The following MAP3K11 variants were observed in gnomAD, a reference collection of about 807,000 sequenced individuals.
MAP3K11 encodes the protein SH3 domain-containing proline-rich kinase.
MAP3K11 carries 46 observed loss-of-function variants against 84.9 expected under a neutral mutation model. That is an observed-to-expected ratio of 0.54 (90% CI 0.43 to 0.69). The LOEUF is 0.69. Among genes scored for constraint, MAP3K11 ranks in the 30% least tolerant of loss-of-function variants. MAP3K11 has a pLI of 0.00. For missense variants in MAP3K11, 1,053 were observed against 1,198.3 expected, an observed-to-expected ratio of 0.88 and a Z score of 1.79; for synonymous variants, 527 against 514.7, an observed-to-expected ratio of 1.02 and a Z score of -0.32.
intron 1 of MAP3K11, 183 bp from the exon 2 acceptor site, chr11:65,608,631 T>C (rs77894452): frequency 3.1e-5 from 18 of 585,498 alleles, no homozygotes; most frequent in East Asian, 5.8e-5. Context: ...TTTTTTTTTT[T>C]CTTAAGATAG....
At chr11:65,612,306 T>G (rs1854578577) in intron 1 of MAP3K11, 1 of 151,832 alleles carries the variant, frequency 6.6e-6, no homozygotes, top group Non-Finnish European at 1.5e-5. Context: ...GGAGATGGAG[T>G]CTCCCTTAGC....
chr11:65,607,298 G>T lies in MAP3K11; in HGVS notation c.1461C>A (p.Asp487Glu), dbSNP rs1033228794. 1 of 1,521,788 alleles carries T rather than the reference G, an allele frequency of 6.6e-7. No individual in the cohort carries two copies. The allele number at this position is 1,521,788 out of a possible 1,614,324, so 94.3% of individuals were successfully genotyped here. The change falls in exon 5 of 10, where the codon GAC (aspartate) becomes GAA (glutamate). Residue 487 changes from aspartate (D) to glutamate (E), a missense_variant. By Grantham distance (45) the Asp-to-Glu change is conservative (BLOSUM62 2). Coordinates refer to ENST00000309100, the MANE Select transcript of MAP3K11 (RefSeq NM_002419.4). ...TFKRSKLRAR[D>E]GGERISMPLD... ...GTGGCATGCTGATACGCTCGCCGCC[G>T]TCGCGCGCCCGGAGCTTGCTGCGCT...
At chr11:65,605,385 C>T (rs1190591729) in intron 8 of MAP3K11, among the ~76,000 whole-genome samples, 1 of 152,230 alleles carries the variant, frequency 6.6e-6, no homozygotes, top group Admixed American at 6.5e-5. Context: ...TTCCTTCCCC[C>T]ATCTGGGTCC....
chr11:65,606,556 G>A, intron 6 of MAP3K11, 135 bp downstream of exon 6: 2 of 631,600 alleles, frequency 3.2e-6, no homozygotes, highest in South Asian at 4.5e-5. Flanking sequence ...GAGGTAACAG[G>A]CTAGACCTAA....
intron 1 of MAP3K11, chr11:65,609,045 TTACAACCTG>T (rs1854544248): frequency 6.5e-6 from 1 of 153,094 alleles, no homozygotes; most frequent in African/African-American, 2.4e-5. Context: ...ACAGCAGAGA[TTACAACCTG>T]GTCTGTGTGG....
chr11:65,608,470 G>A (rs1340064511), intron 1 of MAP3K11, 22 bp from the exon 2 acceptor site: 1 of 1,612,620 alleles, frequency 6.2e-7, no homozygotes. Flanking sequence ...GGGCCAGATT[G>A]TGGATGCTCC....
In MAP3K11 at chr11:65,606,074, A is replaced by G. The variant is rs368245376; in HGVS notation, c.1611T>C (p.Pro537=). 5 of 1,575,426 alleles carry G rather than the reference A, an allele frequency of 3.2e-6. No individual in the cohort carries two copies. In the African/African-American group the frequency reaches 5.5e-5, roughly 17 times the overall value. Residue 537 remains proline, a synonymous_variant, in exon 7 of 10, where the codon CCT becomes CCC. Coordinates refer to ENST00000309100, the MANE Select transcript of MAP3K11 (RefSeq NM_002419.4). ...FPRFRAIQLE[P]AEPGQAWGRQ... The stretch of plus-strand genomic sequence containing the variant: ...GGCCCCATGCCTGGCCTGGCTCTGC[A>G]GGCTCCACTGCAGGGGAAACCGATG...
Position 65,613,746 on chromosome 11 carries a change from A to C in MAP3K11, c.11T>G (p.Leu4Trp). 1 of 1,558,972 alleles carries C rather than the reference A, an allele frequency of 6.4e-7. No homozygotes were observed. Among genetic ancestry groups the C allele is most frequent in the Non-Finnish European group, 8.7e-7 (1 of 1,153,598 alleles). Residue 4 changes from leucine (L) to tryptophan (W), a missense_variant, in exon 1 of 10, where the codon TTG becomes TGG. Leu to Trp is a moderately conservative substitution (Grantham distance 61). This residue lies in a region of MAP3K11 where 160 missense variants were observed against 167.3 expected (regional missense o/e 0.96). Coordinates refer to ENST00000309100, the MANE Select transcript of MAP3K11 (RefSeq NM_002419.4). MEP[L>W]KSLFLKSPLG... is the part of the protein sequence containing the mutation. Reference sequence around the variant, plus strand: ...AGGGCTCTTGAGGAAGAGGCTCTTCAAGGGCTCCATGGCCGGGAGCCGGCG... The same window carrying C: ...AGGGCTCTTGAGGAAGAGGCTCTTCCAGGGCTCCATGGCCGGGAGCCGGCG...
At position 65,613,516 on chromosome 11, in the gene MAP3K11, C is replaced by T. The variant is rs1168589417; in HGVS notation, c.241G>A (p.Glu81Lys). Reference sequence around the variant, plus strand: ...CCCACCTGGCCCGCCCACCAGCCCTCGTCTCCTGAGATGGCTGCGTCCCGG... The same window carrying T: ...CCCACCTGGCCCGCCCACCAGCCCTTGTCTCCTGAGATGGCTGCGTCCCGG... ...LSRDAAISGD[E>K]GWWAGQVGGQ... Residue 81 changes from glutamate to lysine, a missense_variant, in exon 1 of 10, where the codon GAG becomes AAG. Glu to Lys is a moderately conservative substitution (Grantham distance 56). This residue lies in a region of MAP3K11 where 160 missense variants were observed against 167.3 expected (regional missense o/e 0.96). Coordinates refer to ENST00000309100, the MANE Select transcript of MAP3K11 (RefSeq NM_002419.4). 8 of 1,610,256 alleles carry T rather than the reference C, an allele frequency of 5.0e-6. No homozygotes were observed. Among genetic ancestry groups the T allele is most frequent in the African/African-American group, 2.7e-5 (2 of 74,892 alleles).
chr11:65,599,891 C>T, intron 8 of MAP3K11, 123 bp from the exon 9 acceptor site: 2 of 1,044,552 alleles, frequency 1.9e-6, no homozygotes, highest in Non-Finnish European at 2.7e-6. Flanking sequence ...CTTCCCTGGT[C>T]CCACAGGTCC....
In MAP3K11 at chr11:65,605,785, G is replaced by A. The variant is rs1042442533; in HGVS notation, c.1807C>T (p.Pro603Ser). ...CCATTGAGTGCTGGGGGTGTGGAAG[G>A]AGATCCTAAGGGGGATGAGTCATCT... The part of the protein sequence containing the change: ...DSDDSSPLGS[P>S]STPPALNGNP... Residue 603 changes from proline (P) to serine (S), a missense_variant, in exon 8 of 10, where the codon CCT becomes TCT. By Grantham distance (74) the Pro-to-Ser change is moderately conservative. Around this residue, in one of 3 missense-constraint regions of MAP3K11, gnomAD observed 583 missense variants for 566.6 expected, o/e 1.03. Transcript: ENST00000309100. 4 of 1,611,064 alleles carry A rather than the reference G, an allele frequency of 2.5e-6. No homozygotes were observed. Among genetic ancestry groups the A allele is most frequent in the Non-Finnish European group, 2.5e-6 (3 of 1,178,750 alleles).
chr11:65,604,992 T>C (rs1484604796), intron 8 of MAP3K11, among the ~76,000 whole-genome samples: 2 of 152,166 alleles, frequency 1.3e-5, no homozygotes, highest in Non-Finnish European at 2.9e-5. Flanking sequence ...CTAAGCAGTC[T>C]ATACGTGAGA....
At chr11:65,601,918 A>G (rs1057319049) in intron 8 of MAP3K11, among the ~76,000 whole-genome samples, 1 of 150,750 alleles carries the variant, frequency 6.6e-6, no homozygotes, top group Admixed American at 6.6e-5. Flanking sequence ...AAAAAGAAAG[A>G]GTTGGCCGGG....
chr11:65,607,907 TC>T lies in MAP3K11; in HGVS notation c.1069+14del. On this transcript the variant is annotated intron_variant, in intron 3 of 9. Transcript: ENST00000309100. ...AGGGAGCTCTGTACCTCACCTGCCCTCCCCGTCCTCTTACCGGCCATAAGCT... is the reference window on the plus strand; with the variant it reads ...AGGGAGCTCTGTACCTCACCTGCCCTCCCGTCCTCTTACCGGCCATAAGCT... 4.3e-6 allele frequency: 7 copies of T among 1,612,470 alleles called. No individual in the cohort carries two copies. The highest frequency in any genetic ancestry group is 5.9e-6 in the Non-Finnish European group (7 of 1,178,880).
rs373743021 is a variant in MAP3K11 at position 65,606,820 on chromosome 11, G to C, written c.1490-16C>G. 4.5e-5 allele frequency: 69 copies of C among 1,541,482 alleles called. No individual in the cohort carries two copies. The highest frequency in any genetic ancestry group is 1.7e-4 in the Middle Eastern group (1 of 5,938). On this transcript the variant is annotated splice_polypyrimidine_tract_variant and intron_variant, in intron 5 of 9. Coordinates refer to ENST00000309100, the MANE Select transcript of MAP3K11 (RefSeq NM_002419.4). ...TGCTTGAAGTCTGGGATTTGGGTTG[G>C]GGGGAGCAGGGTTCAGGTTTGTGAT...
At chr11:65,600,734 C>T (rs1854446590) in intron 8 of MAP3K11, among the ~76,000 whole-genome samples, 1 of 152,230 alleles carries the variant, frequency 6.6e-6, no homozygotes, top group South Asian at 2.1e-4. Flanking sequence ...TGTGGCTCTC[C>T]ACTGTCACTA....
chr11:65,605,758 C>T lies in MAP3K11; in HGVS notation c.1831+3G>A. ...ATCCTGCCGGGGGAGGAAGGCCACTCACCATTGAGTGCTGGGGGTGTGGAA... is the reference window on the plus strand; with the variant it reads ...ATCCTGCCGGGGGAGGAAGGCCACTTACCATTGAGTGCTGGGGGTGTGGAA... On this transcript the variant is annotated splice_donor_region_variant and intron_variant, in intron 8 of 9. Transcript: ENST00000309100. 6.3e-7 allele frequency: 1 copy of T among 1,597,006 alleles called. No individual in the cohort carries two copies. Among genetic ancestry groups the T allele is most frequent in the Non-Finnish European group, 8.5e-7 (1 of 1,172,922 alleles).
Position 65,608,525 on chromosome 11 carries a change from T to C in MAP3K11, c.740-77A>G. ...AGGGTAAGAGCTGGGAGCAAACTCA[T>C]CTGACGGACATCCTGGCTGGGTCCT... On this transcript the variant is annotated intron_variant, in intron 1 of 9. Transcript: ENST00000309100. 7.2e-6 allele frequency: 10 copies of C among 1,392,438 alleles called. No individual in the cohort carries two copies. The Middle Eastern group carries it at 5.5e-4, about 76-fold the overall frequency. The allele number at this position is 1,392,438 out of a possible 1,614,324, so 86.3% of individuals were successfully genotyped here. A position where few individuals can be genotyped will look rare whatever the true frequency, so the allele number is the denominator to read the frequency against.
chr11:65,612,623 C>T (rs1078458), intron 1 of MAP3K11: 2,239 of 172,074 alleles, frequency 0.013, 44 homozygotes, highest in African/African-American at 0.049. Flanking sequence ...CTGCCCATGA[C>T]GACGGGAGGG....
Sources: allele counts gnomAD v4.1 joint callset (sites outside exome capture counted in the v4.1 genomes callset), GRCh38; gene constraint gnomAD v4.1.1; regional missense constraint gnomAD v4.1.1; transcripts MANE v1.5; gene names NCBI Gene and HGNC (gene_info 2026-07-23, HGNC 2026-07-21).